CACNA1C: variants seen among roughly 807,000 people sequenced by gnomAD.
CACNA1C encodes the protein voltage-dependent L-type calcium channel subunit alpha-1C.
In CACNA1C, 30 loss-of-function variants were observed where a neutral mutation model predicts 229.0. That is an observed-to-expected ratio of 0.13 (90% CI 0.10 to 0.18). The LOEUF is 0.18. CACNA1C is among the 10% of genes least tolerant of loss of function. The pLI, the probability that CACNA1C is intolerant of heterozygous loss-of-function variation, is 1.00. For synonymous variants in CACNA1C, 1,114 were observed against 1,132.5 expected (o/e 0.98, Z 0.33); for missense variants, 1,658 against 2,845.0 (o/e 0.58, Z 9.49).
rs578238214 is a variant in CACNA1C, at chr12:2,287,245, C to T, written c.478-161731C>T. Among the ~76,000 whole-genome samples the T allele has an allele frequency of 1.1e-4, 16 of 152,226 alleles. No homozygotes were observed. On this transcript the variant is annotated intron_variant, in intron 3 of 46. Transcript: ENST00000399655. This position sits in a 1 kb window ranked among gnomAD's most constrained non-coding sequence, Gnocchi z 4.6. The stretch of plus-strand genomic sequence containing the variant: ...CTAGAGGAAGGGTTTCTGGGAATGA[C>T]CTTCCCAAGGGGAGGGATCGGGCAA...
chr12:2,532,390 C>T (rs2099843198), intron 9 of CACNA1C, among the ~76,000 whole-genome samples: 1 of 152,176 alleles, frequency 6.6e-6, no homozygotes, highest in South Asian at 2.1e-4. Flanking sequence ...GACATCTGTG[C>T]TTGGTCACTC....
At chr12:2,238,937 G>A (rs2068617800) in intron 3 of CACNA1C, among the ~76,000 whole-genome samples, 1 of 152,182 alleles carries the variant, frequency 6.6e-6, no homozygotes, top group Non-Finnish European at 1.5e-5. Flanking sequence ...TGACTGAGTG[G>A]CTAAACCACC....
chr12:2,675,564 A>G (rs1385249863), intron 39 of CACNA1C, among the ~76,000 whole-genome samples: 1 of 152,218 alleles, frequency 6.6e-6, no homozygotes. Flanking sequence ...TGCCATCAGG[A>G]ATACAGTTTT....
intron 3 of CACNA1C, among the ~76,000 whole-genome samples, chr12:2,178,448 CA>C (rs1457744361): frequency 3.3e-5 from 5 of 152,144 alleles, no homozygotes; most frequent in Non-Finnish European, 5.9e-5. Context: ...TCCGACAATC[CA>C]GGGATCTGCA....
chr12:2,412,068 C>T (rs184726411), intron 3 of CACNA1C, among the ~76,000 whole-genome samples: 8 of 152,184 alleles, frequency 5.3e-5, no homozygotes, highest in African/African-American at 1.9e-4. Flanking sequence ...ACGCCCAAGC[C>T]CCCCCCATGC....
rs578164982 is a variant in CACNA1C at position 2,207,560 on chromosome 12, A to G, written c.477+87130A>G. Among the ~76,000 whole-genome samples, 5 of 152,350 alleles carry G rather than the reference A, an allele frequency of 3.3e-5. No individual in the cohort carries two copies. The South Asian group carries it at 1.0e-3, about 32-fold the overall frequency. ...TGCGGTGGCTCAAGCCTGTAATCCC[A>G]GTATTTTGGGAGGCTGAGGTGGGAG... is the stretch of plus-strand genomic sequence containing the variant. On this transcript the variant is annotated intron_variant, in intron 3 of 46. Coordinates refer to ENST00000399655, the MANE Select transcript of CACNA1C (RefSeq NM_000719.7).
intron 21 of CACNA1C, among the ~76,000 whole-genome samples, chr12:2,598,148 C>T (rs1339231260): frequency 1.3e-5 from 2 of 152,164 alleles, no homozygotes; most frequent in African/African-American, 4.8e-5. Context: ...TCACAGTGCC[C>T]CTTGCCCTGA....
rs530529909 is a variant in CACNA1C, at chr12:2,678,217, T to TTAA, written c.5091+353_5091+355dup. 2.3e-3 allele frequency among the ~76,000 whole-genome samples: 345 copies of TTAA among 152,296 alleles called. No homozygotes were observed. The highest frequency in any genetic ancestry group is 8.0e-3 in the African/African-American group (332 of 41,570). On this transcript the variant is annotated intron_variant, in intron 41 of 46. Transcript: ENST00000399655. This position sits in a 1 kb window ranked among gnomAD's most constrained non-coding sequence, Gnocchi z 4.1. The stretch of plus-strand genomic sequence containing the variant: ...CTAATCTGCAGGCTTGTTTTGTTTG[T>TTAA]TAATATTTGAAAATCAAGACTTCTG...
Position 2,326,000 on chromosome 12 carries a change from G to A in CACNA1C, c.478-122976G>A, listed in dbSNP as rs1424833769. On this transcript the variant is annotated intron_variant, in intron 3 of 46. Coordinates refer to ENST00000399655, the MANE Select transcript of CACNA1C (RefSeq NM_000719.7). ...TCAGCCTGGCCAGCCCCCTGAGGAC[G>A]GCTGTGAGGAAGGGCACACAAGGGC... is the stretch of plus-strand genomic sequence containing the variant. Among the ~76,000 whole-genome samples the A allele has an allele frequency of 2.6e-5, 4 of 152,216 alleles. No individual in the cohort carries two copies. The East Asian group carries it at 5.8e-4, about 22-fold the overall frequency.
intron 3 of CACNA1C, among the ~76,000 whole-genome samples, chr12:2,146,857 GTGGACCCAAGCAGGGC>G (rs35108071): frequency 0.045 from 6,820 of 150,718 alleles, 550 homozygotes; most frequent in African/African-American, 0.15. Context: ...ATGTCTAAGG[GTGGACCCAAGCAGGGC>G]TGGACCCAAG....
intron 1 of CACNA1C, among the ~76,000 whole-genome samples, chr12:2,078,123 C>A (rs1442434666): frequency 6.6e-6 from 1 of 152,082 alleles, no homozygotes; most frequent in African/African-American, 2.4e-5. Context: ...AGGAGGTGGG[C>A]CTTCCTGATG....
Position 2,074,725 on chromosome 12 carries a change from T to G in CACNA1C, c.49+21114T>G, listed in dbSNP as rs56401832. On this transcript the variant is annotated intron_variant, in intron 1 of 46. Coordinates refer to ENST00000399655, the MANE Select transcript of CACNA1C (RefSeq NM_000719.7). ...ACCCCCCTGCTTCGATAAAATACTTTAGGGTTTATAGGGTGGAAAATTTTG... is the reference window on the plus strand; with the variant it reads ...ACCCCCCTGCTTCGATAAAATACTTGAGGGTTTATAGGGTGGAAAATTTTG... 6.1e-3 allele frequency among the ~76,000 whole-genome samples: 930 copies of G among 152,274 alleles called. 6 individuals are homozygous for G. The highest frequency in any genetic ancestry group is 9.0e-3 in the Non-Finnish European group (610 of 68,010).
In CACNA1C at chr12:2,647,277, T is replaced by G. The variant is rs1040814753; in HGVS notation, c.3913-1198T>G. Among the ~76,000 whole-genome samples the G allele has an allele frequency of 2.0e-5, 3 of 152,188 alleles. No individual in the cohort carries two copies. Among genetic ancestry groups the G allele is most frequent in the Non-Finnish European group, 4.4e-5 (3 of 68,032 alleles). On this transcript the variant is annotated intron_variant, in intron 30 of 46. Transcript: ENST00000399655. This position sits in a 1 kb window ranked among gnomAD's most constrained non-coding sequence, Gnocchi z 4.2. ...TAGCAGCTCAGATGGTCAAGATCAG[T>G]CGGGGCTGAGCCCTCTGTGCTGGAG...
At chr12:2,195,931 G>A (rs189177657) in intron 3 of CACNA1C, among the ~76,000 whole-genome samples, 11 of 152,290 alleles carry the variant, frequency 7.2e-5, no homozygotes, top group Admixed American at 5.2e-4. Flanking sequence ...CTGAGGCCAC[G>A]TGGTCCGAGC....
intron 3 of CACNA1C, among the ~76,000 whole-genome samples, chr12:2,230,564 C>A (rs376644173): frequency 2.3e-4 from 35 of 152,330 alleles, no homozygotes; most frequent in Admixed American, 7.2e-4. Flanking sequence ...CCCATCGTGA[C>A]CCTCGACGGC....
intron 1 of CACNA1C, among the ~76,000 whole-genome samples, chr12:2,022,191 C>T (rs1483081272): frequency 3.3e-5 from 5 of 152,036 alleles, no homozygotes; most frequent in Admixed American, 6.6e-5. Context: ...GGTGTGTGTG[C>T]GAGTGCTCTA....
chr12:2,565,435 C>T lies in CACNA1C; in HGVS notation c.1509-987C>T, dbSNP rs977920600. 1.3e-3 allele frequency among the ~76,000 whole-genome samples: 193 copies of T among 147,682 alleles called. 2 individuals are homozygous for T. Among genetic ancestry groups the T allele is most frequent in the Admixed American group, 2.0e-3 (30 of 14,748 alleles). Reference sequence around the variant, plus strand: ...TGAGCCGAGATTGCGCCACTGCAGTCCGCAGTCCGGCCTGGGCGACAGAGC... The same window carrying T: ...TGAGCCGAGATTGCGCCACTGCAGTTCGCAGTCCGGCCTGGGCGACAGAGC... On this transcript the variant is annotated intron_variant, in intron 11 of 46. Transcript: ENST00000399655.
intron 9 of CACNA1C, among the ~76,000 whole-genome samples, chr12:2,534,712 G>A (rs12305392): frequency 0.055 from 8,303 of 152,232 alleles, 734 homozygotes; most frequent in African/African-American, 0.19. Flanking sequence ...ATTAGGGCAC[G>A]ATCTTCCCCT....
rs951281182 is a variant in CACNA1C, at chr12:2,653,826, TC to T, written c.4075-7del. Reference sequence around the variant, plus strand: ...CAGCCTCATGGGAGTCTCCTGCACTTCCTTCCAGGCCCTGCCCTATGTGGCC... The same window carrying T: ...CAGCCTCATGGGAGTCTCCTGCACTTCTTCCAGGCCCTGCCCTATGTGGCC... On this transcript the variant is annotated splice_polypyrimidine_tract_variant and splice_region_variant and intron_variant, in intron 32 of 46. Transcript: ENST00000399655. This position sits in a 1 kb window ranked among gnomAD's most constrained non-coding sequence, Gnocchi z 4.7. 1.2e-6 allele frequency: 2 copies of T among 1,613,564 alleles called. No individual in the cohort carries two copies.
Sources: gnomAD v4.1 joint callset for allele counts (sites outside exome capture counted in the v4.1 genomes callset) on GRCh38, gnomAD v4.1.1 for gene constraint, Gnocchi (gnomAD v3.1) non-coding constraint, MANE v1.5 for transcripts, NCBI Gene and HGNC (gene_info 2026-07-23, HGNC 2026-07-21) for gene names.